The following TRRAP variants were observed in gnomAD, a reference collection of about 807,000 sequenced individuals.
The protein encoded by TRRAP is transformation/transcription domain-associated protein.
Under a neutral mutation model 438.8 loss-of-function variants are expected in TRRAP, and 41 were observed. That is an observed-to-expected ratio of 0.09 (90% CI 0.07 to 0.12). TRRAP has a LOEUF of 0.12. Ranked by LOEUF, TRRAP falls within the 10% of genes least tolerant of loss-of-function variation. The pLI, the probability that TRRAP is intolerant of heterozygous loss-of-function variation, is 1.00. For synonymous variants in TRRAP, 1,994 were observed against 1,962.9 expected (o/e 1.02, Z -0.42); for missense variants, 3,122 against 5,055.1 (o/e 0.62, Z 11.60).
chr7:98,956,161 C>G lies in TRRAP; in HGVS notation c.5953C>G (p.Arg1985Gly). The stretch of plus-strand genomic sequence containing the variant: ...GCGTCCGCAGGTGTACTACCCGGTA[C>G]GGCACCACTTGGTGCAGCACATGGT... Reference protein sequence around the residue: ...VQHFKVYYPVRHHLVQHMVSA... With the variant: ...VQHFKVYYPVGHHLVQHMVSA... The change falls in exon 42 of 73, where the codon CGG (arginine) becomes GGG (glycine). Residue 1985 changes from arginine (R) to glycine (G), a missense_variant. Arg to Gly is a moderately radical substitution (Grantham distance 125). This residue lies in a region of TRRAP where 992 missense variants were observed against 1,281.2 expected (regional missense o/e 0.77). Transcript: ENST00000456197. The surrounding 1 kb of genome is among the most constrained non-coding windows in gnomAD (Gnocchi z 4.5). 1.2e-6 allele frequency: 2 copies of G among 1,612,022 alleles called. No homozygotes were observed. The highest frequency in any genetic ancestry group is 1.7e-6 in the Non-Finnish European group (2 of 1,179,866).
intron 33 of TRRAP, among the ~76,000 whole-genome samples, chr7:98,947,678 A>T (rs1554417205): frequency 6.6e-6 from 1 of 151,338 alleles, no homozygotes; most frequent in Non-Finnish European, 1.5e-5. Flanking sequence ...CTGGTCTCGA[A>T]CTCCTGACCT....
At chr7:99,006,065 G>A (rs1471251727) in intron 69 of TRRAP, among the ~76,000 whole-genome samples, 1 of 152,196 alleles carries the variant, frequency 6.6e-6, no homozygotes, top group East Asian at 1.9e-4. Flanking sequence ...GCCCTGTTAA[G>A]GCCACAGAAA....
chr7:98,931,407 T>C lies in TRRAP; in HGVS notation c.3594T>C (p.Val1198=). The change falls in exon 26 of 73, where the codon GTT becomes GTC. Residue 1198 remains valine, a splice_region_variant and synonymous_variant. Coordinates refer to ENST00000456197, the MANE Select transcript of TRRAP (RefSeq NM_001375524.1). The stretch of plus-strand genomic sequence containing the variant: ...TCTAAGACATCCCTGACTTGCAGGT[T>C]TCCAATGGGGCAGTCGCTATGGCAA... The part of the protein sequence containing the change: ...LFVMMDLTGE[V]SNGAVAMAKT... 6.2e-7 allele frequency: 1 copy of C among 1,612,944 alleles called. No individual in the cohort carries two copies. The highest frequency in any genetic ancestry group is 8.5e-7 in the Non-Finnish European group (1 of 1,179,394).
intron 39 of TRRAP, among the ~76,000 whole-genome samples, chr7:98,952,374 A>C (rs1791382366): frequency 6.6e-6 from 1 of 152,222 alleles, no homozygotes; most frequent in Non-Finnish European, 1.5e-5. Context: ...AGTAGACAAA[A>C]GTTGACCAGG....
chr7:98,949,471 C>T lies in TRRAP; in HGVS notation c.4843C>T (p.Pro1615Ser). The T allele has an allele frequency of 6.2e-6, 10 of 1,608,276 alleles. No individual in the cohort carries two copies. The highest frequency in any genetic ancestry group is 7.6e-6 in the Non-Finnish European group (9 of 1,178,078). Residue 1615 changes from proline (P) to serine (S), a missense_variant, in exon 36 of 73, where the codon CCC (proline) becomes TCC (serine). Physicochemically the swap from Pro to Ser is moderately conservative, Grantham distance 74. This residue lies in a region of TRRAP where 272 missense variants were observed against 348.5 expected (regional missense o/e 0.78). Coordinates refer to ENST00000456197, the MANE Select transcript of TRRAP (RefSeq NM_001375524.1). ...RPLRDVLAAN[P>S]NRFITLLLPG... ...TCTGCGGGATGTGCTGGCTGCCAAC[C>T]CCAACAGGTTCATCACCCTGCTGCT... is the stretch of plus-strand genomic sequence containing the variant.
At chr7:98,990,806 C>A (rs1421557549) in intron 64 of TRRAP, among the ~76,000 whole-genome samples, 187 bp downstream of exon 64, 1 of 152,104 alleles carries the variant, frequency 6.6e-6, no homozygotes, top group Non-Finnish European at 1.5e-5. Context: ...AAGAATATAT[C>A]AGAGTTGAAA....
At chr7:98,896,074 GAA>G (rs1242377993) in intron 7 of TRRAP, among the ~76,000 whole-genome samples, 1 of 152,052 alleles carries the variant, frequency 6.6e-6, no homozygotes, top group Admixed American at 6.6e-5. Flanking sequence ...AGAAATTTTG[GAA>G]AAATAATTGT....
rs973847363 is a variant in TRRAP at position 98,951,119 on chromosome 7, T to C, written c.5463+115T>C. ...TTAAGGGGGTTCATTGAAATAAGTT[T>C]GTTCCGCCAACACGTTTATTTTTCA... On this transcript the variant is annotated intron_variant, in intron 39 of 72. Transcript: ENST00000456197. 7.4e-6 allele frequency: 9 copies of C among 1,210,654 alleles called. No homozygotes were observed. In the Admixed American group the frequency reaches 2.8e-4, roughly 38 times the overall value. The allele number at this position is 1,210,654 out of a possible 1,614,324, so 75.0% of individuals were successfully genotyped here.
chr7:98,979,854 C>G (rs1311862822), intron 58 of TRRAP, among the ~76,000 whole-genome samples: 3 of 152,142 alleles, frequency 2.0e-5, no homozygotes, highest in Non-Finnish European at 4.4e-5. Context: ...TTCAAATAGT[C>G]TTGAAAAGGA....
intron 8 of TRRAP, among the ~76,000 whole-genome samples, chr7:98,898,834 G>T (rs2116340951): frequency 6.6e-6 from 1 of 152,266 alleles, no homozygotes; most frequent in East Asian, 1.9e-4. Flanking sequence ...CAGATGATTT[G>T]AATCTCCAAG....
At chr7:98,913,299 G>GT (rs1268056588) in intron 18 of TRRAP, among the ~76,000 whole-genome samples, 10 of 150,950 alleles carry the variant, frequency 6.6e-5, no homozygotes, top group Non-Finnish European at 8.9e-5. Context: ...TGCTTTTTTT[G>GT]TTTTTTTGGG....
chr7:98,967,177 T>G lies in TRRAP; in HGVS notation c.7298+15T>G. On this transcript the variant is annotated intron_variant, in intron 50 of 72. Transcript: ENST00000456197. ...TATGTCTACAGGTAATTACAGCAAT[T>G]AATCAAGTACTACATATATTGGTCC... 1.2e-6 allele frequency: 2 copies of G among 1,611,840 alleles called. No homozygotes were observed. Among genetic ancestry groups the G allele is most frequent in the South Asian group, 2.2e-5 (2 of 90,770 alleles).
At chr7:98,968,798 C>T (rs976843348) in intron 51 of TRRAP, among the ~76,000 whole-genome samples, 13 of 152,188 alleles carry the variant, frequency 8.5e-5, no homozygotes, top group African/African-American at 2.9e-4. Flanking sequence ...GTTCTCTTGG[C>T]GCGTGTGCAG....
At position 98,983,331 on chromosome 7, in the gene TRRAP, T is replaced by G. The variant is rs77317747; in HGVS notation, c.8894T>G (p.Leu2965Arg). Residue 2965 changes from leucine to arginine, a missense_variant, in exon 60 of 73, where the codon CTG becomes CGG. Physicochemically the swap from Leu to Arg is moderately radical, Grantham distance 102. Coordinates refer to ENST00000456197, the MANE Select transcript of TRRAP (RefSeq NM_001375524.1). ...QINAGLQPTN[L>R]GRNNSLHDMK... ...AACGCAGGCTTACAGCCAACCAACCTGGGAAGGAACAACAGCCTGCACGAC... is the reference window on the plus strand; with the variant it reads ...AACGCAGGCTTACAGCCAACCAACCGGGGAAGGAACAACAGCCTGCACGAC... The G allele has an allele frequency of 6.2e-7, 1 of 1,614,022 alleles. No individual in the cohort carries two copies. The highest frequency in any genetic ancestry group is 8.5e-7 in the Non-Finnish European group (1 of 1,179,988).
chr7:98,880,813 T>A (rs572361341), intron 1 of TRRAP, among the ~76,000 whole-genome samples: 13 of 152,292 alleles, frequency 8.5e-5, no homozygotes, highest in African/African-American at 2.6e-4. Flanking sequence ...ATATCTACTA[T>A]GTGGCTCTTT....
At chr7:98,892,303 T>C in intron 4 of TRRAP, 121 bp from the exon 5 acceptor site, 1 of 789,348 alleles carries the variant, frequency 1.3e-6, no homozygotes, top group Non-Finnish European at 2.1e-6. Flanking sequence ...TTTTGTAGGA[T>C]GGTGGTTCAT....
intron 20 of TRRAP, among the ~76,000 whole-genome samples, chr7:98,918,227 C>CTTTTTT (rs71118647): frequency 1.8e-4 from 15 of 83,200 alleles, no homozygotes; most frequent in African/African-American, 4.3e-4. Context: ...GGGTTATATT[C>CTTTTTT]TTTTTTTTTT....
At chr7:98,983,137 G>T in intron 59 of TRRAP, 127 bp from the exon 60 acceptor site, 2 of 859,738 alleles carry the variant, frequency 2.3e-6, no homozygotes, top group Non-Finnish European at 3.6e-6. Context: ...GTAAATGAGA[G>T]TGCTTCCTTT....
At position 98,948,803 on chromosome 7, in the gene TRRAP, C is replaced by T. The variant is rs1791199588; in HGVS notation, c.4788+118C>T. 28 of 1,498,638 alleles carry T rather than the reference C, an allele frequency of 1.9e-5. No homozygotes were observed. The highest frequency in any genetic ancestry group is 2.5e-5 in the Non-Finnish European group (28 of 1,114,662). 92.8% of individuals were successfully genotyped at this position (1,498,638 alleles called of 1,614,324 possible). The stretch of plus-strand genomic sequence containing the variant: ...TGTCCTGGCTGCTTTTTTTTCAGAT[C>T]CATTTGAATATTGGAAACAGCATTG... On this transcript the variant is annotated intron_variant, in intron 35 of 72. Coordinates refer to ENST00000456197, the MANE Select transcript of TRRAP (RefSeq NM_001375524.1). The surrounding 1 kb of genome is among the most constrained non-coding windows in gnomAD (Gnocchi z 4.9).
Sources: allele counts gnomAD v4.1 joint callset (sites outside exome capture counted in the v4.1 genomes callset), GRCh38; gene constraint gnomAD v4.1.1; regional missense constraint gnomAD v4.1.1; non-coding constraint Gnocchi (gnomAD v3.1); transcripts MANE v1.5; gene names NCBI Gene and HGNC (gene_info 2026-07-23, HGNC 2026-07-21).